The following CDH18 variants were observed in gnomAD, a reference collection of about 807,000 sequenced individuals.
The protein encoded by CDH18 is cadherin-18.
CDH18 carries 31 observed loss-of-function variants against 67.9 expected under a neutral mutation model. That is an observed-to-expected ratio of 0.46 (90% confidence interval 0.34 to 0.62). The LOEUF (loss-of-function observed/expected upper bound fraction) is 0.62, where lower values mean the gene tolerates loss of function less well. Among genes scored for constraint, CDH18 ranks in the 20% least tolerant of loss-of-function variants. The pLI is 0.01. For synonymous variants in CDH18, 362 were observed against 347.2 expected (o/e 1.04, Z -0.48); for missense variants, 890 against 975.5 (o/e 0.91, Z 1.17).
At chr5:20,274,461 G>T (rs1331202409) in intron 1 of CDH18, among the ~76,000 whole-genome samples, 1 of 152,038 alleles carries the variant, frequency 6.6e-6, no homozygotes, top group Non-Finnish European at 1.5e-5. Flanking sequence ...TCTGACCAGT[G>T]TTTTCCTGGA....
intron 2 of CDH18, among the ~76,000 whole-genome samples, chr5:20,124,679 G>A (rs186796192): frequency 6.6e-6 from 1 of 152,204 alleles, no homozygotes; most frequent in Non-Finnish European, 1.5e-5. Flanking sequence ...GTCCAAGTAC[G>A]CTAGAATGTT....
chr5:19,559,919 AACAAAC>A (rs1469729671), intron 8 of CDH18, among the ~76,000 whole-genome samples: 1 of 149,702 alleles, frequency 6.7e-6, no homozygotes, highest in African/African-American at 2.5e-5. Context: ...TAGTTGCAAA[AACAAAC>A]AAAAAAAAAA....
At chr5:19,504,682 A>C (rs1316358541) in intron 10 of CDH18, among the ~76,000 whole-genome samples, 1 of 152,094 alleles carries the variant, frequency 6.6e-6, no homozygotes, top group African/African-American at 2.4e-5. Context: ...ACACATACAA[A>C]TATATAATGT....
intron 1 of CDH18, among the ~76,000 whole-genome samples, chr5:20,371,112 T>G (rs1742964569): frequency 6.6e-6 from 1 of 151,856 alleles, no homozygotes; most frequent in African/African-American, 2.4e-5. Flanking sequence ...AAGTAGTGAT[T>G]AGAAGCATTG....
intron 2 of CDH18, among the ~76,000 whole-genome samples, chr5:20,153,089 T>C (rs1751248872): frequency 6.6e-6 from 1 of 151,776 alleles, no homozygotes; most frequent in African/African-American, 2.4e-5. Flanking sequence ...ACTGCAGGCA[T>C]ATGCCACCAC....
chr5:20,121,465 T>A (rs1748346724), intron 2 of CDH18, among the ~76,000 whole-genome samples: 1 of 152,180 alleles, frequency 6.6e-6, no homozygotes, highest in Non-Finnish European at 1.5e-5. Flanking sequence ...TTTGTTACTA[T>A]TTGTATTTGT....
chr5:20,517,689 C>T (rs1027876586), intron 1 of CDH18, among the ~76,000 whole-genome samples: 1 of 151,810 alleles, frequency 6.6e-6, no homozygotes, highest in Non-Finnish European at 1.5e-5. Flanking sequence ...TTACATATAC[C>T]AGAATTCAAA....
At chr5:19,608,983 T>A (rs1748521571) in intron 6 of CDH18, among the ~76,000 whole-genome samples, 1 of 151,952 alleles carries the variant, frequency 6.6e-6, no homozygotes, top group African/African-American at 2.4e-5. Flanking sequence ...AACTTTCATG[T>A]AAGGTATTGA....
intron 2 of CDH18, among the ~76,000 whole-genome samples, chr5:19,917,048 C>T (rs899673084): frequency 5.3e-5 from 8 of 152,164 alleles, no homozygotes; most frequent in East Asian, 1.9e-4. Flanking sequence ...ATCTGTTAAC[C>T]GCATGTTTGA....
At chr5:20,472,359 G>T (rs1398854957) in intron 1 of CDH18, among the ~76,000 whole-genome samples, 1 of 152,106 alleles carries the variant, frequency 6.6e-6, no homozygotes, top group Non-Finnish European at 1.5e-5. Context: ...AAAGCTTCAT[G>T]ATTATTTAAA....
intron 3 of CDH18, among the ~76,000 whole-genome samples, chr5:19,783,302 G>A (rs1775341668): frequency 6.6e-6 from 1 of 152,202 alleles, no homozygotes; most frequent in South Asian, 2.1e-4. Flanking sequence ...TAGATAAGAA[G>A]TCTCTTAACC....
chr5:20,040,645 G>T (rs375057742), intron 2 of CDH18, among the ~76,000 whole-genome samples: 3 of 152,204 alleles, frequency 2.0e-5, no homozygotes, highest in South Asian at 2.1e-4. Flanking sequence ...AGAGAGTATT[G>T]CTTGTTGTTC....
chr5:20,280,405 GT>G (rs2126696620), intron 1 of CDH18, among the ~76,000 whole-genome samples: 2 of 152,120 alleles, frequency 1.3e-5, no homozygotes, highest in East Asian at 3.9e-4. Flanking sequence ...TCCCCTTCCT[GT>G]GACCATGCGT....
At chr5:19,988,738 T>C (rs1799802280), upstream of CDH18, among the ~76,000 whole-genome samples, 1 of 151,964 alleles carries the variant, frequency 6.6e-6, no homozygotes, top group Non-Finnish European at 1.5e-5. Flanking sequence ...CCGTGCAAAG[T>C]CGTCACAGCC....
At chr5:19,860,180 G>C (rs1434081419) in intron 2 of CDH18, among the ~76,000 whole-genome samples, 2 of 151,894 alleles carry the variant, frequency 1.3e-5, no homozygotes, top group African/African-American at 2.4e-5. Flanking sequence ...CTGGAATTGA[G>C]AACCCTCAGA....
chr5:20,453,478 G>A (rs572733701), intron 1 of CDH18, among the ~76,000 whole-genome samples: 2 of 152,054 alleles, frequency 1.3e-5, no homozygotes, highest in South Asian at 2.1e-4. Context: ...CCCATGCATT[G>A]CTTAGTTTAG....
chr5:19,479,716 C>T (rs984683844), intron 12 of CDH18, among the ~76,000 whole-genome samples: 1 of 152,088 alleles, frequency 6.6e-6, no homozygotes, highest in Non-Finnish European at 1.5e-5. Context: ...TTACGGTGGC[C>T]TCACCTAGGT....
At chr5:19,805,004 G>A (rs1230017379) in intron 3 of CDH18, among the ~76,000 whole-genome samples, 2 of 151,528 alleles carry the variant, frequency 1.3e-5, no homozygotes, top group Non-Finnish European at 2.9e-5. Context: ...AAGTCCCATG[G>A]CACACAATCT....
intron 3 of CDH18, among the ~76,000 whole-genome samples, chr5:19,749,505 T>A (rs1160216093): frequency 6.6e-6 from 1 of 151,244 alleles, no homozygotes; most frequent in Non-Finnish European, 1.5e-5. Flanking sequence ...TTTAGTGAAA[T>A]TAATTTGATG....
Sources: gnomAD v4.1 joint callset for allele counts (sites outside exome capture counted in the v4.1 genomes callset) on GRCh38, gnomAD v4.1.1 for gene constraint, MANE v1.5 for transcripts, NCBI Gene and HGNC (gene_info 2026-07-23, HGNC 2026-07-21) for gene names.